AKT3: variants seen among roughly 807,000 people sequenced by gnomAD.
AKT3 encodes the protein AKT serine/threonine kinase 3, also known as RAC-gamma serine/threonine-protein kinase.
Under a neutral mutation model 65.3 loss-of-function variants are expected in AKT3, and 15 were observed. That is an observed-to-expected ratio of 0.23 (90% CI 0.15 to 0.35). AKT3 has a LOEUF of 0.35. Ranked by LOEUF, AKT3 falls within the 10% of genes least tolerant of loss-of-function variation. The probability of loss-of-function intolerance (pLI) is 1.00; values close to 1 mark genes in which losing one functional copy is unlikely to be tolerated. For missense variants in AKT3, 243 were observed against 576.5 expected (o/e 0.42, Z 5.92); for synonymous variants, 206 against 183.8 (o/e 1.12, Z -0.98).
At chr1:243,749,612 CA>C (rs1688679572) in intron 2 of AKT3, among the ~76,000 whole-genome samples, 1 of 152,158 alleles carries the variant, frequency 6.6e-6, no homozygotes, top group Non-Finnish European at 1.5e-5. Flanking sequence ...TTGATTATGT[CA>C]AATGATGAAT....
intron 2 of AKT3, among the ~76,000 whole-genome samples, chr1:243,800,164 C>T (rs1692293030): frequency 6.6e-6 from 1 of 152,126 alleles, no homozygotes; most frequent in Admixed American, 6.5e-5. Flanking sequence ...CTTCCAGGAC[C>T]AAATGTGCTT....
chr1:243,496,909 C>A (rs1220146380), downstream of AKT3, among the ~76,000 whole-genome samples: 43 of 152,354 alleles, frequency 2.8e-4, no homozygotes, highest in Non-Finnish European at 4.4e-5. Flanking sequence ...CACGTTTCCA[C>A]CACCTGTGGA....
intron 2 of AKT3, among the ~76,000 whole-genome samples, chr1:243,778,236 C>A (rs139500503): frequency 6.6e-6 from 1 of 152,036 alleles, no homozygotes; most frequent in East Asian, 1.9e-4. Context: ...GAAAAAAATA[C>A]ACTAAAGCAA....
chr1:243,631,461 G>C (rs1293570005), intron 6 of AKT3, among the ~76,000 whole-genome samples: 1 of 152,088 alleles, frequency 6.6e-6, no homozygotes, highest in African/African-American at 2.4e-5. Context: ...ACTAATTTTT[G>C]TATTTTTAGT....
At chr1:243,797,585 C>G (rs746015582) in intron 2 of AKT3, among the ~76,000 whole-genome samples, 2 of 152,158 alleles carry the variant, frequency 1.3e-5, no homozygotes, top group Non-Finnish European at 2.9e-5. Context: ...ATCCCAACAG[C>G]TAGTTAGGAC....
chr1:243,575,560 T>A (rs997529060), intron 8 of AKT3, among the ~76,000 whole-genome samples: 2 of 152,160 alleles, frequency 1.3e-5, no homozygotes. Context: ...GCAATATGAA[T>A]GAAGAGGACA....
intron 12 of AKT3, among the ~76,000 whole-genome samples, chr1:243,535,090 G>T (rs1203874373): frequency 7.5e-6 from 1 of 134,152 alleles, no homozygotes; most frequent in Admixed American, 7.5e-5. Context: ...GACATGTTAA[G>T]TAAGTGTATT....
At chr1:243,579,538 A>T (rs1002562086) in intron 8 of AKT3, among the ~76,000 whole-genome samples, 7 of 152,166 alleles carry the variant, frequency 4.6e-5, no homozygotes, top group African/African-American at 1.4e-4. Flanking sequence ...TTTCAAAGGT[A>T]AGTTGTCATA....
chr1:243,850,371 ACT>A (rs1695727292), upstream of AKT3, among the ~76,000 whole-genome samples: 2 of 149,308 alleles, frequency 1.3e-5, no homozygotes, highest in Admixed American at 6.6e-5. Flanking sequence ...GGAGGCGGAG[ACT>A]CTACATGGGA....
intron 2 of AKT3, among the ~76,000 whole-genome samples, chr1:243,755,923 G>A (rs551741588): frequency 1.1e-4 from 16 of 152,322 alleles, no homozygotes; most frequent in Admixed American, 5.2e-4. Flanking sequence ...TGGTACTGTA[G>A]GGGGAAGCTA....
chr1:243,659,445 C>T lies in AKT3; in HGVS notation c.284+5327G>A, dbSNP rs79943864. ...TACCATAATTTTTTAAAAGAATGCA[C>T]TAATGTAGCTAAGAACATTTTTGTT... On this transcript the variant is annotated intron_variant, in intron 4 of 13. Coordinates refer to ENST00000673466, the MANE Select transcript of AKT3 (RefSeq NM_005465.7). Among the ~76,000 whole-genome samples, 642 of 147,418 alleles carry T rather than the reference C, an allele frequency of 4.4e-3. 3 individuals are homozygous for T. Among genetic ancestry groups the T allele is most frequent in the Admixed American group, 0.011 (162 of 14,104 alleles).
chr1:243,496,931 G>T (rs1401423970), downstream of AKT3, among the ~76,000 whole-genome samples: 1 of 152,228 alleles, frequency 6.6e-6, no homozygotes, highest in Non-Finnish European at 1.5e-5. Context: ...AGCACGGCAG[G>T]GGAGCAGTGG....
intron 2 of AKT3, among the ~76,000 whole-genome samples, chr1:243,771,652 G>T (rs1440851364): frequency 6.6e-6 from 1 of 152,092 alleles, no homozygotes; most frequent in Non-Finnish European, 1.5e-5. Context: ...AGTCATCTCT[G>T]CTAACAAGGC....
chr1:243,649,450 A>G (rs1455120403), intron 4 of AKT3, among the ~76,000 whole-genome samples: 1 of 151,856 alleles, frequency 6.6e-6, no homozygotes, highest in African/African-American at 2.4e-5. Flanking sequence ...TCTGGGGTAC[A>G]TGTGCAGAAT....
intron 8 of AKT3, among the ~76,000 whole-genome samples, chr1:243,587,879 C>T (rs954575952): frequency 6.6e-6 from 1 of 152,010 alleles, no homozygotes; most frequent in African/African-American, 2.4e-5. Flanking sequence ...ACTGAACTTA[C>T]CCAACTGCCC....
At chr1:243,684,461 T>C (rs1364554472) in intron 3 of AKT3, among the ~76,000 whole-genome samples, 1 of 152,178 alleles carries the variant, frequency 6.6e-6, no homozygotes, top group African/African-American at 2.4e-5. Flanking sequence ...TCCAGATTCA[T>C]CCATGTCCCT....
chr1:243,562,619 G>T (rs1429866073), intron 10 of AKT3, among the ~76,000 whole-genome samples: 5 of 152,092 alleles, frequency 3.3e-5, no homozygotes, highest in Non-Finnish European at 7.4e-5. Flanking sequence ...AGCCAAAGAA[G>T]TCTGACTGCA....
Position 243,503,341 on chromosome 1 carries a change from G to A in AKT3, c.*1908C>T, listed in dbSNP as rs1384013988. The A allele has an allele frequency of 2.1e-5, 5 of 233,580 alleles. No homozygotes were observed. The highest frequency in any genetic ancestry group is 4.2e-5 in the Non-Finnish European group (5 of 118,060). The allele number at this position is 233,580 out of a possible 1,614,324, so 14.5% of individuals were successfully genotyped here. The stretch of plus-strand genomic sequence containing the variant: ...TAAATCCACACTTCCAGCGTCAAGA[G>A]GCTAAGACATCTGCATATGAATATG... On this transcript the variant is annotated 3_prime_UTR_variant, in exon 14 of 14. Transcript: ENST00000673466.
intron 2 of AKT3, among the ~76,000 whole-genome samples, chr1:243,830,878 C>T (rs1694463909): frequency 6.6e-6 from 1 of 152,188 alleles, no homozygotes; most frequent in Admixed American, 6.5e-5. Flanking sequence ...AACCCACTAT[C>T]TTTGTCAGGA....
Sources: gnomAD v4.1 joint callset for allele counts (sites outside exome capture counted in the v4.1 genomes callset) on GRCh38, gnomAD v4.1.1 for gene constraint, MANE v1.5 for transcripts, NCBI Gene and HGNC (gene_info 2026-07-23, HGNC 2026-07-21) for gene names.